DCDC1: variants seen among roughly 807,000 people sequenced by gnomAD.
DCDC1 encodes doublecortin domain-containing protein 1.
A neutral mutation model predicts 178.3 loss-of-function variants in DCDC1; 200 were observed. The observed-to-expected ratio is 1.12, with a 90% CI of 1.00 to 1.26. The LOEUF is 1.26. Among genes scored for constraint, DCDC1 ranks in the 50% most tolerant of loss-of-function variants. The probability of loss-of-function intolerance (pLI) is 0.00; values close to 1 mark genes in which losing one functional copy is unlikely to be tolerated. For missense variants in DCDC1, 1,983 were observed against 1,749.2 expected (o/e 1.13, Z -2.38); for synonymous variants, 690 against 604.8 (o/e 1.14, Z -2.07).
intron 20 of DCDC1, among the ~76,000 whole-genome samples, chr11:31,025,994 A>G (rs967525181): frequency 1.3e-5 from 2 of 151,850 alleles, no homozygotes; most frequent in Non-Finnish European, 3.0e-5. Flanking sequence ...GAACAGCAAG[A>G]GTTATGTAAA....
At chr11:30,884,883 A>C (rs1481285741) in intron 36 of DCDC1, among the ~76,000 whole-genome samples, 1 of 152,110 alleles carries the variant, frequency 6.6e-6, no homozygotes, top group Non-Finnish European at 1.5e-5. Flanking sequence ...ATTAATTAAT[A>C]GTCTAATACA....
At chr11:30,968,711 T>TTTTA (rs760434545) in intron 20 of DCDC1, among the ~76,000 whole-genome samples, 1 of 61,056 alleles carries the variant, frequency 1.6e-5, no homozygotes. Context: ...ATATATCAAA[T>TTTTA]TATATATATA....
In DCDC1 at chr11:30,864,837, A is replaced by C. The variant is rs1271273991; in HGVS notation, c.*536T>G. ...ACTGGCATACAAAATGTCTATGGCT[A>C]ACAATGCTCTCGATTATGGTATGTC... On this transcript the variant is annotated 3_prime_UTR_variant, in exon 39 of 39. Coordinates refer to ENST00000684477, the MANE Select transcript of DCDC1 (RefSeq NM_001387274.1). 2 of 152,230 alleles carry C rather than the reference A, an allele frequency of 1.3e-5. No individual in the cohort carries two copies. Among genetic ancestry groups the C allele is most frequent in the Non-Finnish European group, 2.9e-5 (2 of 68,044 alleles). The allele number at this position is 152,230 out of a possible 1,614,324, so 9.4% of individuals were successfully genotyped here. A position where few individuals can be genotyped will look rare whatever the true frequency, so the allele number is the denominator to read the frequency against.
rs141831860 is a variant in DCDC1 at position 30,943,876 on chromosome 11, G to C, written c.2715+8569C>G. ...CTCAAAGCAGCTGTCACCACTGAGA[G>C]GTACATAGTTTTTAGTATTAATGCA... On this transcript the variant is annotated intron_variant, in intron 21 of 38. Transcript: ENST00000684477. The C allele has an allele frequency of 2.4e-3, 685 of 280,766 alleles. 3 individuals carry two copies. Among genetic ancestry groups the C allele is most frequent in the Non-Finnish European group, 3.8e-3 (547 of 142,350 alleles). The allele number at this position is 280,766 out of a possible 1,614,324, so 17.4% of individuals were successfully genotyped here. A position where few individuals can be genotyped will look rare whatever the true frequency, so the allele number is the denominator to read the frequency against.
chr11:30,988,993 C>T (rs1200606862), intron 20 of DCDC1, among the ~76,000 whole-genome samples: 2 of 152,148 alleles, frequency 1.3e-5, no homozygotes, highest in African/African-American at 4.8e-5. Flanking sequence ...ACTGGAGCTA[C>T]AGATTTGGGA....
At position 31,284,487 on chromosome 11, in the gene DCDC1, C is replaced by G. The variant is rs540955831; in HGVS notation, c.960+6160G>C. On this transcript the variant is annotated intron_variant, in intron 7 of 38. Coordinates refer to ENST00000684477, the MANE Select transcript of DCDC1 (RefSeq NM_001387274.1). The stretch of plus-strand genomic sequence containing the variant: ...TTTAATGGTAAGGTATGCATGGACA[C>G]TAATCTAATAAATGCTTCAAGGTAA... 7.9e-5 allele frequency among the ~76,000 whole-genome samples: 12 copies of G among 152,030 alleles called. No individual in the cohort carries two copies. In the South Asian group the frequency reaches 2.5e-3, roughly 32 times the overall value.
At chr11:30,893,137 T>G in intron 35 of DCDC1, 140 bp from the exon 36 acceptor site, 2 of 851,724 alleles carry the variant, frequency 2.3e-6, no homozygotes, top group Non-Finnish European at 3.5e-6. Flanking sequence ...TTAAGTACAT[T>G]AGCCTCTCTT....
intron 8 of DCDC1, among the ~76,000 whole-genome samples, chr11:31,250,349 C>A (rs1943893868): frequency 7.0e-6 from 1 of 141,940 alleles, no homozygotes; most frequent in African/African-American, 2.6e-5. Context: ...AATTTCTTTC[C>A]TGAAGAAAGT....
intron 7 of DCDC1, among the ~76,000 whole-genome samples, chr11:31,274,915 G>A (rs891955600): frequency 4.6e-5 from 7 of 151,938 alleles, no homozygotes; most frequent in African/African-American, 1.5e-4. Context: ...TTGCCAGGCT[G>A]GTCTTGAACT....
intron 6 of DCDC1, among the ~76,000 whole-genome samples, chr11:31,301,141 T>C (rs1948087510): frequency 6.6e-6 from 1 of 152,184 alleles, no homozygotes; most frequent in Non-Finnish European, 1.5e-5. Flanking sequence ...CTTATAGAAA[T>C]AGAAGAATCA....
At position 31,032,206 on chromosome 11, in the gene DCDC1, G is replaced by T. The variant is rs1565202118; in HGVS notation, c.2591+32263C>A. Among the ~76,000 whole-genome samples, 23 of 152,164 alleles carry T rather than the reference G, an allele frequency of 1.5e-4. No homozygotes were observed. In the South Asian group the frequency reaches 4.4e-3, roughly 29 times the overall value. On this transcript the variant is annotated intron_variant, in intron 20 of 38. Transcript: ENST00000684477. ...AAGTTCATATAGATCAAGATCTCAG[G>T]ATCTAAATGAACTCCCAAGAAATAT... is the stretch of plus-strand genomic sequence containing the variant.
chr11:31,235,815 C>T (rs1976384251), intron 9 of DCDC1, among the ~76,000 whole-genome samples: 2 of 151,794 alleles, frequency 1.3e-5, no homozygotes, highest in Admixed American at 1.3e-4. Context: ...CGTAAGTTGG[C>T]CCTTATTCTT....
chr11:30,889,794 A>G (rs1449086947), intron 36 of DCDC1, among the ~76,000 whole-genome samples: 1 of 152,162 alleles, frequency 6.6e-6, no homozygotes, highest in Non-Finnish European at 1.5e-5. Context: ...CCATTTCTTT[A>G]TTTACAGGCA....
chr11:30,867,658 C>T (rs1447910358), intron 38 of DCDC1, among the ~76,000 whole-genome samples: 1 of 152,140 alleles, frequency 6.6e-6, no homozygotes, highest in East Asian at 1.9e-4. Context: ...ACCACAAAGT[C>T]ATGCTATGAC....
At chr11:30,940,108 T>G (rs1947535963) in intron 21 of DCDC1, among the ~76,000 whole-genome samples, 1 of 152,226 alleles carries the variant, frequency 6.6e-6, no homozygotes, top group African/African-American at 2.4e-5. Flanking sequence ...ATTCATATCT[T>G]TTATTCTTGA....
chr11:31,199,416 C>T (rs1971048180), intron 9 of DCDC1, among the ~76,000 whole-genome samples: 1 of 152,024 alleles, frequency 6.6e-6, no homozygotes, highest in African/African-American at 2.4e-5. Flanking sequence ...AATAATGAGT[C>T]CAAAAGCTTG....
intron 35 of DCDC1, among the ~76,000 whole-genome samples, chr11:30,893,838 C>A (rs551681851): frequency 6.6e-6 from 1 of 152,320 alleles, no homozygotes; most frequent in South Asian, 2.1e-4. Context: ...GAAACCACTT[C>A]TTTAATTCTT....
intron 20 of DCDC1, chr11:30,992,463 C>T (rs1193859678): frequency 1.3e-5 from 2 of 152,192 alleles, no homozygotes; most frequent in African/African-American, 4.8e-5. Flanking sequence ...ACCAACCTGA[C>T]TTTTCATATT....
intron 38 of DCDC1, among the ~76,000 whole-genome samples, chr11:30,873,009 A>G (rs1941727809): frequency 6.6e-6 from 1 of 150,512 alleles, no homozygotes; most frequent in Middle Eastern, 3.3e-3. Context: ...ATATATAAAT[A>G]TATATTTTTC....
Sources: gnomAD v4.1 joint callset for allele counts (sites outside exome capture counted in the v4.1 genomes callset) on GRCh38, gnomAD v4.1.1 for gene constraint, MANE v1.5 for transcripts, NCBI Gene and HGNC (gene_info 2026-07-23, HGNC 2026-07-21) for gene names.